TTK: variants seen among roughly 807,000 people sequenced by gnomAD.
TTK encodes dual specificity protein kinase TTK.
TTK carries 59 observed loss-of-function variants against 117.3 expected under a neutral mutation model. The ratio of observed to expected loss-of-function variants is 0.50; its 90% CI spans 0.41 to 0.62. The LOEUF (loss-of-function observed/expected upper bound fraction) is 0.62, where lower values mean the gene tolerates loss of function less well. Among genes scored for constraint, TTK ranks in the 20% least tolerant of loss-of-function variants. The probability of loss-of-function intolerance (pLI) is 0.00; values close to 1 mark genes in which losing one functional copy is unlikely to be tolerated. For missense variants in TTK, 921 were observed against 989.4 expected, an observed-to-expected ratio of 0.93 and a Z score of 0.93; for synonymous variants, 302 against 325.0, an observed-to-expected ratio of 0.93 and a Z score of 0.76.
intron 19 of TTK, 139 bp from the exon 20 acceptor site, chr6:80,040,057 A>G: frequency 1.1e-6 from 1 of 943,164 alleles, no homozygotes; most frequent in Non-Finnish European, 1.5e-6. Context: ...GCCTTGGGAG[A>G]AATAATCTTG....
At chr6:80,041,888 T>C (rs961357034) in intron 21 of TTK, among the ~76,000 whole-genome samples, 2 of 151,740 alleles carry the variant, frequency 1.3e-5, no homozygotes, top group Non-Finnish European at 3.0e-5. Flanking sequence ...AGCTCTGTTA[T>C]ATTTCTCTCA....
At chr6:80,034,897 C>G in intron 14 of TTK, 88 bp from the exon 15 acceptor site, 1 of 1,159,030 alleles carries the variant, frequency 8.6e-7, no homozygotes, top group Non-Finnish European at 1.1e-6. Flanking sequence ...TTAGAATTTT[C>G]TCAACCTAAA....
At chr6:80,015,217 G>T (rs1582093290) in intron 10 of TTK, among the ~76,000 whole-genome samples, 1 of 152,324 alleles carries the variant, frequency 6.6e-6, no homozygotes, top group Admixed American at 6.5e-5. Context: ...TTCAGATGAA[G>T]AGGATAACAC....
In TTK at chr6:80,011,510, T is replaced by C; in HGVS notation, c.690T>C (p.Asp230=). Residue 230 remains aspartate (D), a synonymous_variant, in exon 6 of 22, where the codon GAT becomes GAC. Transcript: ENST00000369798. ...GHLQNRNNSC[D]SRGQTTKARF... ...TACAGAATAGGAACAACAGTTGTGA[T>C]TCCAGAGGACAGACTACTAAAGCCA... The C allele has an allele frequency of 6.2e-7, 1 of 1,609,402 alleles. No individual in the cohort carries two copies. Among genetic ancestry groups the C allele is most frequent in the Non-Finnish European group, 8.5e-7 (1 of 1,178,246 alleles).
chr6:80,025,225 C>G (rs1767574365), intron 11 of TTK, among the ~76,000 whole-genome samples: 1 of 152,166 alleles, frequency 6.6e-6, no homozygotes, highest in Non-Finnish European at 1.5e-5. Context: ...ACAGCAGTTC[C>G]TCAGTAACAT....
At chr6:80,041,996 C>T in intron 21 of TTK, 123 bp from the exon 22 acceptor site, 1 of 497,936 alleles carries the variant, frequency 2.0e-6, no homozygotes, top group Non-Finnish European at 3.4e-6. Context: ...AAATAATTTC[C>T]CAACTGTAAG....
At chr6:80,034,553 G>A (rs239590) in intron 14 of TTK, among the ~76,000 whole-genome samples, 1 of 151,868 alleles carries the variant, frequency 6.6e-6, no homozygotes, top group East Asian at 1.9e-4. Flanking sequence ...GACTCAAACT[G>A]CTGGGCTCAA....
At chr6:80,021,162 A>G (rs1369712921) in intron 10 of TTK, among the ~76,000 whole-genome samples, 1 of 152,212 alleles carries the variant, frequency 6.6e-6, no homozygotes, top group African/African-American at 2.4e-5. Context: ...CTTCCCTTTC[A>G]CTAACTGAGT....
chr6:80,030,153 G>T (rs1562021861), intron 13 of TTK, among the ~76,000 whole-genome samples: 1 of 152,162 alleles, frequency 6.6e-6, no homozygotes, highest in Non-Finnish European at 1.5e-5. Flanking sequence ...CCTAAAGCAG[G>T]CCTTAGTTAA....
intron 2 of TTK, 147 bp downstream of exon 2, chr6:80,006,129 T>C: frequency 9.8e-7 from 1 of 1,025,072 alleles, no homozygotes; most frequent in Admixed American, 2.1e-5. Context: ...GATGGCAGGG[T>C]TTTTGTCTGT....
intron 1 of TTK, 119 bp downstream of exon 1, chr6:80,004,832 G>A (rs1385576746): frequency 6.7e-6 from 1 of 148,408 alleles, no homozygotes; most frequent in African/African-American, 2.5e-5. Flanking sequence ...TCGGAGCCAG[G>A]TATGCGACGC....
intron 2 of TTK, chr6:80,006,206 A>C: frequency 1.9e-6 from 1 of 533,632 alleles, no homozygotes; most frequent in Non-Finnish European, 3.4e-6. Flanking sequence ...TTATTGAACA[A>C]TGATTAATGG....
At chr6:80,006,977 G>T (rs1008173381) in intron 2 of TTK, among the ~76,000 whole-genome samples, 1 of 152,134 alleles carries the variant, frequency 6.6e-6, no homozygotes, top group Non-Finnish European at 1.5e-5. Flanking sequence ...ATTTAATATT[G>T]CTTAGTAATA....
Position 80,042,189 on chromosome 6 carries a change from G to A in TTK, c.2561G>A (p.Arg854Lys), listed in dbSNP as rs539988632. ...SSSSKTFEKK[R>K]GKK is the part of the protein sequence containing the mutation. The stretch of plus-strand genomic sequence containing the variant: ...TCCTCCAAGACTTTTGAAAAAAAAA[G>A]GGGAAAAAAATGATTTGCAGTTATT... Residue 854 changes from arginine to lysine, a missense_variant, in exon 22 of 22, where the codon AGG becomes AAG. Physicochemically the swap from Arg to Lys is conservative, Grantham distance 26. Coordinates refer to ENST00000369798, the MANE Select transcript of TTK (RefSeq NM_003318.5). The A allele has an allele frequency of 2.6e-5, 41 of 1,591,366 alleles. No homozygotes were observed. Among genetic ancestry groups the A allele is most frequent in the South Asian group, 4.5e-5 (4 of 88,268 alleles).
intron 10 of TTK, among the ~76,000 whole-genome samples, chr6:80,016,302 GA>G (rs1210759757): frequency 6.6e-6 from 1 of 152,180 alleles, no homozygotes; most frequent in African/African-American, 2.4e-5. Flanking sequence ...CAAACAGTCT[GA>G]AAAGTGGTTG....
At position 80,014,458 on chromosome 6, in the gene TTK, T is replaced by A. The variant is rs1248755634; in HGVS notation, c.985-5T>A. On this transcript the variant is annotated splice_polypyrimidine_tract_variant and splice_region_variant and intron_variant, in intron 9 of 21. Coordinates refer to ENST00000369798, the MANE Select transcript of TTK (RefSeq NM_003318.5). ...GGACTTTATTTGATTTTCTTTTTCA[T>A]GTAGTCTGTTCAAAATAGTCATTTC... The A allele has an allele frequency of 6.3e-7, 1 of 1,596,374 alleles. No homozygotes were observed. Among genetic ancestry groups the A allele is most frequent in the Non-Finnish European group, 8.5e-7 (1 of 1,173,096 alleles).
chr6:80,040,081 G>A (rs1294094615), intron 19 of TTK, 115 bp from the exon 20 acceptor site: 1 of 976,718 alleles, frequency 1.0e-6, no homozygotes. Flanking sequence ...TAATACTTTA[G>A]TGGGATATCT....
At chr6:80,023,145 C>G (rs1397194145) in intron 11 of TTK, among the ~76,000 whole-genome samples, 1 of 152,120 alleles carries the variant, frequency 6.6e-6, no homozygotes, top group Non-Finnish European at 1.5e-5. Flanking sequence ...ATAGTAAAGG[C>G]TTTATTAATT....
rs201264231 is a variant in TTK, at chr6:80,011,188, A to AT, written c.614-233dup. On this transcript the variant is annotated intron_variant, in intron 5 of 21. Coordinates refer to ENST00000369798, the MANE Select transcript of TTK (RefSeq NM_003318.5). Reference sequence around the variant, plus strand: ...ATGAAAAACAACTCTAAGCAAGAGAATTTTTTTTTTTTTGCTTTTGGAAAT... The same window carrying AT: ...ATGAAAAACAACTCTAAGCAAGAGAATTTTTTTTTTTTTTGCTTTTGGAAAT... Among the ~76,000 whole-genome samples, 429 of 145,194 alleles carry AT rather than the reference A, an allele frequency of 3.0e-3. 2 individuals carry two copies. Among genetic ancestry groups the AT allele is most frequent in the Non-Finnish European group, 3.9e-3 (253 of 65,408 alleles).
Sources: gnomAD v4.1 joint callset for allele counts (sites outside exome capture counted in the v4.1 genomes callset) on GRCh38, gnomAD v4.1.1 for gene constraint, MANE v1.5 for transcripts, NCBI Gene and HGNC (gene_info 2026-07-23, HGNC 2026-07-21) for gene names.